MGAT5: variants seen among roughly 807,000 people sequenced by gnomAD.
The protein encoded by MGAT5 is alpha-1,6-mannosylglycoprotein 6-beta-N-acetylglucosaminyltransferase.
A neutral mutation model predicts 94.3 loss-of-function variants in MGAT5; 30 were observed. The observed-to-expected ratio is 0.32, with a 90% CI of 0.24 to 0.43. MGAT5 has a LOEUF of 0.43. MGAT5 is among the 20% of genes least tolerant of loss of function. The pLI is 1.00. For synonymous variants in MGAT5, 310 were observed against 322.9 expected (o/e 0.96, Z 0.43); for missense variants, 691 against 905.5 (o/e 0.76, Z 3.04).
At chr2:134,199,411 TG>T (rs1053276924) in intron 1 of MGAT5, among the ~76,000 whole-genome samples, 1 of 152,054 alleles carries the variant, frequency 6.6e-6, no homozygotes, top group Admixed American at 6.5e-5. Context: ...AGCTGTTCTT[TG>T]TGTCACCTGT....
At chr2:134,136,284 G>A (rs944115228) in intron 1 of MGAT5, among the ~76,000 whole-genome samples, 1 of 152,112 alleles carries the variant, frequency 6.6e-6, no homozygotes, top group African/African-American at 2.4e-5. Context: ...AAAAATTGGG[G>A]GGCCAGACGC....
intron 1 of MGAT5, among the ~76,000 whole-genome samples, chr2:134,169,387 TACACAC>T (rs61268974): frequency 1.4e-5 from 2 of 138,770 alleles, no homozygotes; most frequent in East Asian, 2.0e-4. Context: ...AATTTAAAAA[TACACAC>T]ACACACACAC....
At chr2:134,170,538 T>C (rs1249344130) in intron 1 of MGAT5, among the ~76,000 whole-genome samples, 1 of 152,238 alleles carries the variant, frequency 6.6e-6, no homozygotes, top group African/African-American at 2.4e-5. Context: ...TTTGCAGGAA[T>C]TGGCTTCGTT....
At chr2:134,319,462 A>AG (rs561542656) in intron 4 of MGAT5, among the ~76,000 whole-genome samples, 109 of 152,210 alleles carry the variant, frequency 7.2e-4, no homozygotes, top group South Asian at 1.5e-3. Context: ...CAGAATCTTG[A>AG]GAAAAAAAAA....
rs146551849 is a variant in MGAT5, at chr2:134,407,161, C to T, written c.1530+4024C>T. ...AGCTAGGGACACTACCCTTCTGATA[C>T]CCCGTTCCTGCCTGTCTGTAATGTT... On this transcript the variant is annotated intron_variant, in intron 11 of 15. Transcript: ENST00000281923. Among the ~76,000 whole-genome samples the T allele has an allele frequency of 1.5e-3, 227 of 152,298 alleles. 3 individuals are homozygous for T. Among genetic ancestry groups the T allele is most frequent in the African/African-American group, 5.1e-3 (213 of 41,564 alleles).
intron 9 of MGAT5, among the ~76,000 whole-genome samples, chr2:134,356,744 G>C (rs1358207839): frequency 1.3e-5 from 2 of 152,112 alleles, no homozygotes; most frequent in Non-Finnish European, 2.9e-5. Context: ...CTTCCTTGCT[G>C]TTTCTTGAGT....
At chr2:134,255,508 C>CAT (rs200909328) in intron 1 of MGAT5, among the ~76,000 whole-genome samples, 3,109 of 149,898 alleles carry the variant, frequency 0.021, 33 homozygotes, top group Middle Eastern at 0.032. Context: ...CATATATACA[C>CAT]ATATATATAT....
intron 15 of MGAT5, among the ~76,000 whole-genome samples, chr2:134,446,817 C>T (rs1426947040): frequency 6.6e-6 from 1 of 152,172 alleles, no homozygotes; most frequent in African/African-American, 2.4e-5. Flanking sequence ...CAGGAGGCGC[C>T]GCAGGCTCTG....
At chr2:134,404,153 G>A (rs1408329701) in intron 11 of MGAT5, among the ~76,000 whole-genome samples, 1 of 152,206 alleles carries the variant, frequency 6.6e-6, no homozygotes, top group African/African-American at 2.4e-5. Context: ...TACAAGGGAT[G>A]CAAGTGTGAA....
At chr2:134,325,846 G>T (rs1573809452) in intron 4 of MGAT5, among the ~76,000 whole-genome samples, 2 of 152,064 alleles carry the variant, frequency 1.3e-5, no homozygotes, top group South Asian at 4.2e-4. Context: ...CTTAGAGTTT[G>T]TCTTACTCTG....
chr2:134,394,202 C>G (rs1188429989), intron 10 of MGAT5, among the ~76,000 whole-genome samples: 2 of 152,152 alleles, frequency 1.3e-5, no homozygotes, highest in Non-Finnish European at 2.9e-5. Context: ...ATCTTTCTCC[C>G]TTGGTTGTAA....
chr2:134,420,700 A>C (rs1477698306), intron 12 of MGAT5, among the ~76,000 whole-genome samples: 1 of 152,254 alleles, frequency 6.6e-6, no homozygotes, highest in Admixed American at 6.5e-5. Flanking sequence ...CCTCCAAAGC[A>C]AAGGCCTCAG....
intron 10 of MGAT5, among the ~76,000 whole-genome samples, chr2:134,390,908 T>C (rs1682361838): frequency 6.6e-6 from 1 of 152,228 alleles, no homozygotes; most frequent in Non-Finnish European, 1.5e-5. Context: ...GTCTCTTCTT[T>C]AGCATCTTTT....
chr2:134,441,975 G>T, intron 15 of MGAT5, 60 bp downstream of exon 15: 1 of 1,575,834 alleles, frequency 6.3e-7, no homozygotes, highest in Non-Finnish European at 8.7e-7. Context: ...GCCTTGTTGG[G>T]TAGTCAGGTG....
At chr2:134,230,837 CA>C (rs1681321702) in intron 1 of MGAT5, among the ~76,000 whole-genome samples, 1 of 152,094 alleles carries the variant, frequency 6.6e-6, no homozygotes, top group Non-Finnish European at 1.5e-5. Flanking sequence ...CACACACACA[CA>C]CACACACACC....
intron 7 of MGAT5, among the ~76,000 whole-genome samples, chr2:134,344,256 G>A (rs1688797971): frequency 6.6e-6 from 1 of 152,130 alleles, no homozygotes; most frequent in Admixed American, 6.6e-5. Flanking sequence ...TGGATGCATG[G>A]GTGGGGGAAA....
chr2:134,416,654 T>A (rs1683989487), intron 12 of MGAT5, among the ~76,000 whole-genome samples: 1 of 152,004 alleles, frequency 6.6e-6, no homozygotes, highest in Non-Finnish European at 1.5e-5. Flanking sequence ...TTATATTTGG[T>A]AGAGATGGGA....
chr2:134,153,841 G>A (rs529415678), intron 1 of MGAT5, among the ~76,000 whole-genome samples: 16 of 152,108 alleles, frequency 1.1e-4, no homozygotes, highest in South Asian at 6.2e-4. Flanking sequence ...TGGTTCCTTG[G>A]GAGGAGAAGG....
Position 134,392,606 on chromosome 2 carries a change from G to A in MGAT5, c.1381-10382G>A, listed in dbSNP as rs113005612. ...TGTTTTAAGTGGCCTGGTTTGTCAC[G>A]TGTCAAGTCCCCGCCTACAACAACA... On this transcript the variant is annotated intron_variant, in intron 10 of 15. Coordinates refer to ENST00000281923, the MANE Select transcript of MGAT5 (RefSeq NM_002410.5). Among the ~76,000 whole-genome samples, 123 of 152,270 alleles carry A rather than the reference G, an allele frequency of 8.1e-4. 1 individual carries two copies. Among genetic ancestry groups the A allele is most frequent in the African/African-American group, 2.8e-3 (118 of 41,546 alleles).
Sources: gnomAD v4.1 joint callset for allele counts (sites outside exome capture counted in the v4.1 genomes callset) on GRCh38, gnomAD v4.1.1 for gene constraint, MANE v1.5 for transcripts, NCBI Gene and HGNC (gene_info 2026-07-23, HGNC 2026-07-21) for gene names.